TBC1D30: variants seen among roughly 807,000 people sequenced by gnomAD.
TBC1D30 encodes the protein TBC1 domain family, member 30.
In TBC1D30, 31 loss-of-function variants were observed where a neutral mutation model predicts 63.2. That is an observed-to-expected ratio of 0.49 (90% confidence interval 0.37 to 0.66). The LOEUF (loss-of-function observed/expected upper bound fraction) is 0.66, where lower values mean the gene tolerates loss of function less well. TBC1D30 is among the 30% of genes least tolerant of loss of function. The pLI is 0.00. For synonymous variants in TBC1D30, 307 were observed against 361.5 expected, an observed-to-expected ratio of 0.85 and a Z score of 1.71; for missense variants, 810 against 953.6, an observed-to-expected ratio of 0.85 and a Z score of 1.98.
intron 1 of TBC1D30, among the ~76,000 whole-genome samples, chr12:64,769,439 A>G (rs911276966): frequency 2.7e-5 from 4 of 149,200 alleles, no homozygotes; most frequent in Non-Finnish European, 5.9e-5. Flanking sequence ...GTGCAGTGGC[A>G]TGATCTCGGC....
intron 2 of TBC1D30, among the ~76,000 whole-genome samples, chr12:64,793,891 C>T (rs932244263): frequency 6.6e-6 from 1 of 152,192 alleles, no homozygotes; most frequent in African/African-American, 2.4e-5. Context: ...TTCTTTGTCT[C>T]TCTCCTGTGG....
chr12:64,781,204 C>G (rs951735755), exon 1 of TBC1D30: 1 of 1,101,116 alleles, frequency 9.1e-7, no homozygotes, highest in Non-Finnish European at 1.1e-6. Context: ...GCGGCCGCAG[C>G]GGTGCCGGCG....
intron 7 of TBC1D30, among the ~76,000 whole-genome samples, chr12:64,840,004 C>CCAAAAAAAAAAAAAA (rs1384375979): frequency 3.1e-5 from 3 of 98,320 alleles, no homozygotes; most frequent in African/African-American, 5.2e-5. Context: ...GACTCTGTCT[C>CCAAAAAAAAAAAAAA]AAAAAAAAAA....
At chr12:64,843,908 C>T (rs1231936959) in intron 8 of TBC1D30, among the ~76,000 whole-genome samples, 1 of 152,190 alleles carries the variant, frequency 6.6e-6, no homozygotes, top group Non-Finnish European at 1.5e-5. Context: ...CCTGCCACCT[C>T]AGGCTCCTGA....
chr12:64,771,346 A>G (rs1031757032), intron 1 of TBC1D30, among the ~76,000 whole-genome samples: 2 of 152,186 alleles, frequency 1.3e-5, no homozygotes, highest in Admixed American at 6.5e-5. Context: ...TACTGAGCCC[A>G]GATCGAGATG....
At chr12:64,807,402 G>A (rs1872932639) in intron 2 of TBC1D30, among the ~76,000 whole-genome samples, 2 of 152,192 alleles carry the variant, frequency 1.3e-5, no homozygotes, top group African/African-American at 4.8e-5. Flanking sequence ...GAGGAATGGA[G>A]AGTTGTTGTT....
At chr12:64,843,575 C>A in intron 8 of TBC1D30, 90 bp downstream of exon 8, 2 of 916,188 alleles carry the variant, frequency 2.2e-6, no homozygotes, top group Non-Finnish European at 3.3e-6. Context: ...GAGAAATGTG[C>A]TTGGTTAGCT....
chr12:64,840,778 C>T (rs528016982), intron 7 of TBC1D30, among the ~76,000 whole-genome samples: 1 of 152,240 alleles, frequency 6.6e-6, no homozygotes, highest in East Asian at 1.9e-4. Context: ...TAATAAATGG[C>T]TGGTCTTTTT....
intron 5 of TBC1D30, among the ~76,000 whole-genome samples, chr12:64,835,277 G>A (rs1444145749): frequency 6.6e-6 from 1 of 152,184 alleles, no homozygotes; most frequent in Non-Finnish European, 1.5e-5. Flanking sequence ...TCAAGAGCAT[G>A]CCCCTGCCCT....
chr12:64,763,698 T>G (rs552851635), intron 1 of TBC1D30, among the ~76,000 whole-genome samples: 3 of 150,910 alleles, frequency 2.0e-5, no homozygotes, highest in African/African-American at 7.3e-5. Flanking sequence ...AACCTCCACC[T>G]CTCAGGTTCA....
intron 4 of TBC1D30, 44 bp from the exon 5 acceptor site, chr12:64,832,075 A>C (rs1404224280): frequency 1.4e-6 from 2 of 1,472,774 alleles, no homozygotes; most frequent in Non-Finnish European, 9.0e-7. Flanking sequence ...TTTGGAAAGA[A>C]TATTAGGAGT....
At chr12:64,836,835 G>T (rs551862351) in intron 6 of TBC1D30, among the ~76,000 whole-genome samples, 177 bp downstream of exon 6, 10 of 152,160 alleles carry the variant, frequency 6.6e-5, no homozygotes, top group Non-Finnish European at 1.3e-4. Flanking sequence ...AAGGCCACAT[G>T]TTGAACCTCT....
chr12:64,779,840 A>C (rs1234035320), upstream of TBC1D30, among the ~76,000 whole-genome samples: 1 of 152,208 alleles, frequency 6.6e-6, no homozygotes, highest in Non-Finnish European at 1.5e-5. Context: ...TATAGGGTTA[A>C]AGTGAGGATT....
At chr12:64,858,960 C>T (rs1366548788) in intron 8 of TBC1D30, among the ~76,000 whole-genome samples, 1 of 151,864 alleles carries the variant, frequency 6.6e-6, no homozygotes, top group Non-Finnish European at 1.5e-5. Flanking sequence ...TTTAGGAAAG[C>T]CTTTCTTGAG....
chr12:64,844,945 C>G (rs1466104744), intron 8 of TBC1D30, among the ~76,000 whole-genome samples: 1 of 152,138 alleles, frequency 6.6e-6, no homozygotes, highest in Non-Finnish European at 1.5e-5. Flanking sequence ...ATGACAGAAT[C>G]TCATTCTTCT....
chr12:64,772,468 C>T (rs764727422), intron 1 of TBC1D30, among the ~76,000 whole-genome samples: 4 of 151,998 alleles, frequency 2.6e-5, no homozygotes, highest in East Asian at 2.0e-4. Context: ...CTCACTCTGT[C>T]GCCCAGGCTG....
intron 7 of TBC1D30, 97 bp from the exon 8 acceptor site, chr12:64,843,283 C>A: frequency 3.7e-6 from 4 of 1,092,264 alleles, no homozygotes; most frequent in East Asian, 2.6e-5. Context: ...GCATGAGCCA[C>A]CATGCCCAGT....
chr12:64,770,340 C>A (rs1592524664), intron 1 of TBC1D30, among the ~76,000 whole-genome samples: 2 of 151,950 alleles, frequency 1.3e-5, no homozygotes, highest in South Asian at 4.1e-4. Context: ...AATTTCTGTC[C>A]CATCTCTCAA....
At chr12:64,797,668 C>G (rs1872361362) in intron 2 of TBC1D30, among the ~76,000 whole-genome samples, 1 of 152,152 alleles carries the variant, frequency 6.6e-6, no homozygotes, top group Admixed American at 6.5e-5. Context: ...TTTTTACATC[C>G]TATTTTCTCC....
Sources: allele counts gnomAD v4.1 joint callset (sites outside exome capture counted in the v4.1 genomes callset), GRCh38; gene constraint gnomAD v4.1.1; transcripts MANE v1.5; gene names NCBI Gene and HGNC (gene_info 2026-07-23, HGNC 2026-07-21).